Variants in SYNDIG1 observed in about 807,000 individuals in gnomAD.
The protein encoded by SYNDIG1 is synapse differentiation inducing 1.
A neutral mutation model predicts 19.4 loss-of-function variants in SYNDIG1; 9 were observed. The ratio of observed to expected loss-of-function variants is 0.46; its 90% CI spans 0.28 to 0.81. The LOEUF is 0.81. Ranked by LOEUF, SYNDIG1 falls within the 30% of genes least tolerant of loss-of-function variation. The pLI, the probability that SYNDIG1 is intolerant of heterozygous loss-of-function variation, is 0.12. For synonymous variants in SYNDIG1, 141 were observed against 145.9 expected (o/e 0.97, Z 0.24); for missense variants, 311 against 343.3 (o/e 0.91, Z 0.74).
At chr20:24,518,658 G>A (rs1026920403) in intron 1 of SYNDIG1, among the ~76,000 whole-genome samples, 2 of 152,272 alleles carry the variant, frequency 1.3e-5, no homozygotes, top group South Asian at 4.2e-4. Flanking sequence ...TTCCTGGGTG[G>A]CCCTGCTCGT....
chr20:24,558,837 C>T (rs2057878561), intron 2 of SYNDIG1, among the ~76,000 whole-genome samples: 1 of 152,122 alleles, frequency 6.6e-6, no homozygotes, highest in Non-Finnish European at 1.5e-5. Context: ...ATTTTTTGCT[C>T]ATACTGTCAT....
chr20:24,495,383 C>T (rs577279464), intron 1 of SYNDIG1: 67 of 152,480 alleles, frequency 4.4e-4, no homozygotes, highest in Non-Finnish European at 4.4e-4. Flanking sequence ...CAAGGCCACC[C>T]GCACCCCAGT....
chr20:24,554,112 T>C (rs2057763749), intron 2 of SYNDIG1, among the ~76,000 whole-genome samples: 1 of 152,230 alleles, frequency 6.6e-6, no homozygotes, highest in South Asian at 2.1e-4. Flanking sequence ...TGTTTGTCTT[T>C]TATTGGTGTA....
At chr20:24,615,342 A>G (rs2058914328) in intron 3 of SYNDIG1, among the ~76,000 whole-genome samples, 1 of 152,170 alleles carries the variant, frequency 6.6e-6, no homozygotes, top group Non-Finnish European at 1.5e-5. Context: ...GAAATCCCTA[A>G]GGGGGTGATG....
chr20:24,629,586 G>A (rs1348214118), intron 3 of SYNDIG1, among the ~76,000 whole-genome samples: 3 of 151,902 alleles, frequency 2.0e-5, no homozygotes, highest in Non-Finnish European at 4.4e-5. Context: ...CAGCAGCTCT[G>A]TTGTGTCAAG....
intron 3 of SYNDIG1, among the ~76,000 whole-genome samples, chr20:24,600,462 C>A (rs1416612955): frequency 6.6e-6 from 1 of 152,136 alleles, no homozygotes; most frequent in Non-Finnish European, 1.5e-5. Flanking sequence ...CACCTTCCAG[C>A]CATCCTTCCT....
intron 3 of SYNDIG1, among the ~76,000 whole-genome samples, chr20:24,633,939 C>T (rs369471139): frequency 1.2e-3 from 180 of 152,324 alleles, no homozygotes; most frequent in African/African-American, 1.8e-3. Context: ...CACCTGCATC[C>T]GCCAAACTCT....
At chr20:24,584,807 C>T (rs1173446886) in intron 2 of SYNDIG1, 49 bp from the exon 3 acceptor site, 1 of 1,613,098 alleles carries the variant, frequency 6.2e-7, no homozygotes, top group Admixed American at 1.7e-5. Flanking sequence ...CAGGATGACT[C>T]CTTTATTAAT....
chr20:24,529,353 ATGG>A (rs760336306), intron 1 of SYNDIG1, among the ~76,000 whole-genome samples: 2 of 151,828 alleles, frequency 1.3e-5, no homozygotes, highest in East Asian at 1.9e-4. Context: ...TCTGGTAGTG[ATGG>A]TGGTGGTGGT....
At chr20:24,489,354 GATAC>G (rs559979725) in intron 1 of SYNDIG1, among the ~76,000 whole-genome samples, 59 of 148,852 alleles carry the variant, frequency 4.0e-4, no homozygotes, top group African/African-American at 1.3e-3. Flanking sequence ...ACACACACAA[GATAC>G]ATGCATGCAC....
chr20:24,645,970 C>T (rs563190498), intron 3 of SYNDIG1, among the ~76,000 whole-genome samples: 1 of 152,250 alleles, frequency 6.6e-6, no homozygotes, highest in Non-Finnish European at 1.5e-5. Context: ...TTGTGCTTCC[C>T]GTGGGAATGT....
At chr20:24,625,605 C>T (rs1192532594) in intron 3 of SYNDIG1, among the ~76,000 whole-genome samples, 3 of 151,910 alleles carry the variant, frequency 2.0e-5, no homozygotes, top group Non-Finnish European at 2.9e-5. Flanking sequence ...TTTAACAAAG[C>T]ACATCTTGCA....
intron 2 of SYNDIG1, among the ~76,000 whole-genome samples, chr20:24,572,695 C>T (rs1207137217): frequency 2.0e-5 from 3 of 152,164 alleles, no homozygotes; most frequent in African/African-American, 7.2e-5. Context: ...TTCATATGCA[C>T]CCCTCCCAGA....
chr20:24,494,796 T>TGAGGCACCA (rs2056254875), intron 1 of SYNDIG1, among the ~76,000 whole-genome samples: 1 of 152,182 alleles, frequency 6.6e-6, no homozygotes, highest in Non-Finnish European at 1.5e-5. Context: ...ACCTCCAGCC[T>TGAGGCACCA]TCCCCATGTA....
At chr20:24,529,038 GA>G (rs201365894) in intron 1 of SYNDIG1, among the ~76,000 whole-genome samples, 2 of 148,076 alleles carry the variant, frequency 1.4e-5, no homozygotes, top group African/African-American at 2.5e-5. Flanking sequence ...TCCTCCAAAG[GA>G]AAAAAAAACA....
chr20:24,655,060 G>C (rs2059511417), intron 3 of SYNDIG1, among the ~76,000 whole-genome samples: 1 of 152,154 alleles, frequency 6.6e-6, no homozygotes, highest in African/African-American at 2.4e-5. Context: ...GACAAGGCCT[G>C]GGGTCTAGGA....
intron 3 of SYNDIG1, among the ~76,000 whole-genome samples, chr20:24,606,686 T>A (rs376314676): frequency 6.4e-4 from 98 of 152,314 alleles, no homozygotes; most frequent in Middle Eastern, 3.4e-3. Flanking sequence ...GAGTTTAGAT[T>A]CTGTGCTACA....
rs114625051 is a variant in SYNDIG1, at chr20:24,486,262, T to C, written c.-79+16509T>C. ...ATGGCACAAGAGAGGGCAGGGTGGG[T>C]GCTGGAGAGGTGGCAACCCCCTTGC... On this transcript the variant is annotated intron_variant, in intron 1 of 3. Transcript: ENST00000376862. Among the ~76,000 whole-genome samples the C allele has an allele frequency of 2.0e-3, 308 of 152,166 alleles. 2 individuals are homozygous for C. The highest frequency in any genetic ancestry group is 7.1e-3 in the African/African-American group (296 of 41,516).
intron 3 of SYNDIG1, among the ~76,000 whole-genome samples, chr20:24,594,574 G>A (rs186093133): frequency 1.3e-5 from 2 of 152,196 alleles, no homozygotes; most frequent in Admixed American, 1.3e-4. Context: ...AATGTCATTG[G>A]TAATTTGATA....
Sources: allele counts gnomAD v4.1 joint callset (sites outside exome capture counted in the v4.1 genomes callset), GRCh38; gene constraint gnomAD v4.1.1; transcripts MANE v1.5; gene names NCBI Gene and HGNC (gene_info 2026-07-23, HGNC 2026-07-21).